Variants in STXBP5L observed in about 807,000 individuals in gnomAD.
STXBP5L encodes syntaxin binding protein 5L.
In STXBP5L, 65 loss-of-function variants were observed where a neutral mutation model predicts 144.5. That is an observed-to-expected ratio of 0.45 (90% CI 0.37 to 0.55). STXBP5L has a LOEUF of 0.55. STXBP5L is among the 20% of genes least tolerant of loss of function. The probability of loss-of-function intolerance (pLI) is 0.00; values close to 1 mark genes in which losing one functional copy is unlikely to be tolerated. For missense variants in STXBP5L, 1,298 were observed against 1,405.5 expected, an observed-to-expected ratio of 0.92 and a Z score of 1.22; for synonymous variants, 505 against 469.6, an observed-to-expected ratio of 1.08 and a Z score of -0.97.
intron 9 of STXBP5L, among the ~76,000 whole-genome samples, chr3:121,200,357 T>C (rs1291241679): frequency 6.6e-6 from 1 of 152,174 alleles, no homozygotes; most frequent in Non-Finnish European, 1.5e-5. Flanking sequence ...ATTGCATCTA[T>C]TTGATTCTTC....
intron 18 of STXBP5L, among the ~76,000 whole-genome samples, chr3:121,266,377 C>T (rs1323789014): frequency 1.3e-5 from 2 of 152,186 alleles, no homozygotes; most frequent in Non-Finnish European, 2.9e-5. Context: ...ATGACAACCA[C>T]TTGATTATCT....
chr3:121,060,112 C>A (rs2041189956), intron 5 of STXBP5L, among the ~76,000 whole-genome samples: 1 of 152,082 alleles, frequency 6.6e-6, no homozygotes, highest in African/African-American at 2.4e-5. Context: ...GTGGGTTTGT[C>A]ATAAATAGCT....
intron 5 of STXBP5L, among the ~76,000 whole-genome samples, chr3:121,087,369 C>T (rs796545727): frequency 2.6e-5 from 4 of 152,098 alleles, no homozygotes; most frequent in African/African-American, 9.6e-5. Context: ...CTGTTTGGTG[C>T]ATTCACATTT....
chr3:121,208,698 A>T (rs1162108377), intron 10 of STXBP5L, among the ~76,000 whole-genome samples: 2 of 152,256 alleles, frequency 1.3e-5, no homozygotes, highest in Non-Finnish European at 1.5e-5. Context: ...TTCAAGGATT[A>T]TTAAGGTGCA....
chr3:121,419,388 C>T lies in STXBP5L; in HGVS notation c.*291C>T. The T allele has an allele frequency of 3.8e-6, 1 of 260,044 alleles. No individual in the cohort carries two copies. 16.1% of individuals were successfully genotyped at this position (260,044 alleles called of 1,614,324 possible). A position where few individuals can be genotyped will look rare whatever the true frequency, so the allele number is the denominator to read the frequency against. On this transcript the variant is annotated 3_prime_UTR_variant, in exon 27 of 27. Coordinates refer to ENST00000471454, the MANE Select transcript of STXBP5L (RefSeq NM_001308330.2). ...TTATATTTAGTAACTACGGGGAGTC[C>T]TCTTGATTTGAAAATTCCTGTACAA...
At chr3:120,968,387 A>T (rs761728533) in intron 3 of STXBP5L, among the ~76,000 whole-genome samples, 3 of 152,062 alleles carry the variant, frequency 2.0e-5, no homozygotes, top group Non-Finnish European at 4.4e-5. Context: ...ATTCTTGACT[A>T]AATTTTATTT....
At chr3:121,392,568 G>A (rs533804838) in intron 22 of STXBP5L, among the ~76,000 whole-genome samples, 1 of 151,840 alleles carries the variant, frequency 6.6e-6, no homozygotes. Flanking sequence ...CTTTTATATA[G>A]CAATTGAAAG....
At chr3:121,128,691 T>A (rs1475388393) in intron 7 of STXBP5L, among the ~76,000 whole-genome samples, 1 of 152,106 alleles carries the variant, frequency 6.6e-6, no homozygotes, top group Non-Finnish European at 1.5e-5. Context: ...TGGTAATGGC[T>A]AATATACCAT....
intron 2 of STXBP5L, among the ~76,000 whole-genome samples, chr3:120,935,083 CTT>C (rs755844159): frequency 6.6e-6 from 1 of 150,392 alleles, no homozygotes; most frequent in Non-Finnish European, 1.5e-5. Context: ...TTTTTTTGGT[CTT>C]ATACTCTTTT....
At chr3:121,022,571 G>A (rs551458022) in intron 3 of STXBP5L, among the ~76,000 whole-genome samples, 3 of 152,224 alleles carry the variant, frequency 2.0e-5, no homozygotes, top group South Asian at 2.1e-4. Context: ...ATGATCAAGT[G>A]GGTTTCATAC....
chr3:120,908,817 AGGAGATGG>A (rs1191643779), intron 1 of STXBP5L, among the ~76,000 whole-genome samples: 2 of 122,428 alleles, frequency 1.6e-5, no homozygotes, highest in Non-Finnish European at 3.4e-5. Context: ...GGAGGGGAGC[AGGAGATGG>A]GGAGAGGGGG....
At chr3:121,128,912 T>C (rs2044842106) in intron 7 of STXBP5L, among the ~76,000 whole-genome samples, 1 of 152,114 alleles carries the variant, frequency 6.6e-6, no homozygotes. Context: ...AAAAGAATCC[T>C]GAAATGCTCT....
chr3:121,379,033 GC>G, intron 21 of STXBP5L, 147 bp downstream of exon 21: 1 of 850,454 alleles, frequency 1.2e-6, no homozygotes, highest in Non-Finnish European at 1.8e-6. Flanking sequence ...TGGGGCTGTG[GC>G]CATAACTCCA....
chr3:121,407,732 G>T (rs1490388132), intron 23 of STXBP5L, 129 bp downstream of exon 23: 3 of 1,307,742 alleles, frequency 2.3e-6, no homozygotes, highest in Non-Finnish European at 3.1e-6. Context: ...TTATGTTTCT[G>T]GATGTTTTAT....
intron 25 of STXBP5L, among the ~76,000 whole-genome samples, chr3:121,417,806 GTT>G (rs2047274630): frequency 6.6e-6 from 1 of 152,064 alleles, no homozygotes; most frequent in African/African-American, 2.4e-5. Flanking sequence ...TAAATGTTAT[GTT>G]TGTTTTATAA....
chr3:121,317,935 T>C (rs976340231), intron 19 of STXBP5L, among the ~76,000 whole-genome samples: 16 of 152,260 alleles, frequency 1.1e-4, no homozygotes, highest in African/African-American at 3.6e-4. Context: ...TAAAAGCCAA[T>C]AATCATATCT....
At chr3:121,395,410 A>G (rs1266303288) in intron 22 of STXBP5L, among the ~76,000 whole-genome samples, 2 of 152,246 alleles carry the variant, frequency 1.3e-5, no homozygotes, top group Non-Finnish European at 2.9e-5. Flanking sequence ...GAGTTTTCCA[A>G]AAGCATAGTC....
chr3:121,045,607 T>C, intron 5 of STXBP5L, 72 bp downstream of exon 5: 3 of 1,344,596 alleles, frequency 2.2e-6, no homozygotes, highest in Non-Finnish European at 3.1e-6. Context: ...TTTGTTAACT[T>C]GACAGGCTTT....
At chr3:121,112,230 C>T (rs977344941) in intron 5 of STXBP5L, among the ~76,000 whole-genome samples, 1 of 152,050 alleles carries the variant, frequency 6.6e-6, no homozygotes, top group African/African-American at 2.4e-5. Context: ...GCTGAGCGAC[C>T]GCCAAGAATC....
Sources: gnomAD v4.1 joint callset for allele counts (sites outside exome capture counted in the v4.1 genomes callset) on GRCh38, gnomAD v4.1.1 for gene constraint, MANE v1.5 for transcripts, NCBI Gene and HGNC (gene_info 2026-07-23, HGNC 2026-07-21) for gene names.